The following C16orf89 variants were observed in gnomAD, a reference collection of about 807,000 sequenced individuals.
C16orf89 encodes chromosome 16 open reading frame 89.
C16orf89 carries 57 observed loss-of-function variants against 41.5 expected under a neutral mutation model. The ratio of observed to expected loss-of-function variants is 1.38; its 90% CI spans 1.11 to 1.71. The LOEUF (loss-of-function observed/expected upper bound fraction) is 1.71, where lower values mean the gene tolerates loss of function less well. Ranked by LOEUF, C16orf89 falls within the 40% of genes most tolerant of loss-of-function variation. The pLI, the probability that C16orf89 is intolerant of heterozygous loss-of-function variation, is 0.00. For missense variants in C16orf89, 575 were observed against 445.9 expected, an observed-to-expected ratio of 1.29 and a Z score of -2.61; for synonymous variants, 223 against 190.6, an observed-to-expected ratio of 1.17 and a Z score of -1.40.
intron 7 of C16orf89, among the ~76,000 whole-genome samples, chr16:5,047,530 C>T (rs993849416): frequency 3.3e-5 from 5 of 150,246 alleles, no homozygotes; most frequent in East Asian, 2.0e-4. Flanking sequence ...TGCAGTGGTG[C>T]GATCTCAGCT....
intron 6 of C16orf89, among the ~76,000 whole-genome samples, chr16:5,051,865 C>G (rs1335500413): frequency 1.3e-5 from 2 of 151,852 alleles, no homozygotes; most frequent in Non-Finnish European, 2.9e-5. Context: ...TTTGGGAGGT[C>G]GAGGTAGGCA....
chr16:5,057,413 G>T lies in C16orf89; in HGVS notation c.627+1080C>A, dbSNP rs191425631. Among the ~76,000 whole-genome samples the T allele has an allele frequency of 4.3e-4, 63 of 145,390 alleles. 2 individuals are homozygous for T. The East Asian group carries it at 0.012, about 28-fold the overall frequency. On this transcript the variant is annotated intron_variant, in intron 4 of 7. Transcript: ENST00000472572. ...TATATATAGTGGTATATATATAGTG[G>T]CATATATATATAGTGTGTATGGTAG...
intron 3 of C16orf89, among the ~76,000 whole-genome samples, chr16:5,058,868 C>T (rs768305038): frequency 2.0e-5 from 3 of 152,084 alleles, no homozygotes; most frequent in Admixed American, 2.0e-4. Context: ...GCTCCATGGG[C>T]CAAATCACAT....
intron 4 of C16orf89, among the ~76,000 whole-genome samples, chr16:5,058,059 A>G (rs1956545403): frequency 6.6e-6 from 1 of 152,074 alleles, no homozygotes; most frequent in African/African-American, 2.4e-5. Flanking sequence ...GTAGAAATCC[A>G]AAGCTCTGCT....
chr16:5,051,199 C>A (rs939553676), intron 6 of C16orf89, among the ~76,000 whole-genome samples: 3 of 151,976 alleles, frequency 2.0e-5, no homozygotes, highest in Non-Finnish European at 4.4e-5. Context: ...GAAGTCTTAG[C>A]CAGAGCAATT....
At chr16:5,062,699 C>G (rs1405994187) in intron 1 of C16orf89, 125 bp from the exon 2 acceptor site, 2 of 1,092,312 alleles carry the variant, frequency 1.8e-6, no homozygotes, top group Non-Finnish European at 2.6e-6. Context: ...TTCTCCAGCA[C>G]TCAGAGGGGA....
intron 6 of C16orf89, among the ~76,000 whole-genome samples, chr16:5,054,505 A>G (rs1241698490): frequency 2.6e-5 from 4 of 152,076 alleles, no homozygotes; most frequent in Admixed American, 6.6e-5. Context: ...AGAATGTGCA[A>G]TTATTTCACT....
intron 6 of C16orf89, 36 bp downstream of exon 6, chr16:5,055,210 G>C (rs1596693507): frequency 1.3e-6 from 2 of 1,512,626 alleles, no homozygotes. Context: ...CACCCCCACT[G>C]CCCCCCTTCT....
chr16:5,044,763 G>T, intron 7 of C16orf89: 1 of 1,104,860 alleles, frequency 9.1e-7, no homozygotes, highest in Non-Finnish European at 1.2e-6. Flanking sequence ...AGAATTGCTT[G>T]AACCCAGGAG....
intron 6 of C16orf89, among the ~76,000 whole-genome samples, chr16:5,049,414 A>G (rs566096101): frequency 6.6e-6 from 1 of 152,354 alleles, no homozygotes; most frequent in African/African-American, 2.4e-5. Context: ...TCTTCTCATC[A>G]GCACATGGAA....
intron 5 of C16orf89, 54 bp from the exon 6 acceptor site, chr16:5,055,404 C>G: frequency 6.9e-7 from 1 of 1,457,744 alleles, no homozygotes; most frequent in Non-Finnish European, 9.4e-7. Context: ...CCCACCTCCT[C>G]CCACTCCCCA....
Position 5,044,623 on chromosome 16 carries a change from C to A in C16orf89, c.956-145G>T, listed in dbSNP as rs548414551. On this transcript the variant is annotated intron_variant, in intron 7 of 7. Transcript: ENST00000472572. ...TTGGGAGCCTGAGGTGGGCGGATCT[C>A]TTGAGATCAGGAGTTCGAGACCAGC... The A allele has an allele frequency of 7.8e-5, 113 of 1,451,190 alleles. No individual in the cohort carries two copies. The South Asian group carries it at 8.0e-4, about 10-fold the overall frequency. The allele number at this position is 1,451,190 out of a possible 1,614,324, so 89.9% of individuals were successfully genotyped here. A position where few individuals can be genotyped will look rare whatever the true frequency, so the allele number is the denominator to read the frequency against.
chr16:5,062,276 C>T (rs1344259305), intron 2 of C16orf89, 149 bp downstream of exon 2: 11 of 1,012,506 alleles, frequency 1.1e-5, no homozygotes, highest in Middle Eastern at 3.2e-4. Context: ...CCCCAGGGCT[C>T]GTCTGTGGCT....
intron 4 of C16orf89, among the ~76,000 whole-genome samples, chr16:5,057,370 GAT>G (rs201684843): frequency 3.4e-5 from 5 of 145,206 alleles, no homozygotes; most frequent in African/African-American, 1.0e-4. Flanking sequence ...TATATATCGT[GAT>G]ATATATATAG....
At chr16:5,048,602 C>G (rs1485589617) in intron 6 of C16orf89, among the ~76,000 whole-genome samples, 3 of 152,160 alleles carry the variant, frequency 2.0e-5, no homozygotes, top group Non-Finnish European at 2.9e-5. Flanking sequence ...TTCATTACCA[C>G]TAGACTGGCC....
At chr16:5,064,007 G>A (rs1455770235) in intron 1 of C16orf89, among the ~76,000 whole-genome samples, 4 of 152,072 alleles carry the variant, frequency 2.6e-5, no homozygotes, top group African/African-American at 9.7e-5. Context: ...GGTACCTGTA[G>A]TCCCAGCTAT....
chr16:5,052,319 TG>T (rs145191952), intron 6 of C16orf89, among the ~76,000 whole-genome samples: 4,309 of 152,246 alleles, frequency 0.028, 193 homozygotes, highest in African/African-American at 0.098. Context: ...CCAAGCGCAG[TG>T]GCTCACGCCT....
At chr16:5,052,441 T>G (rs929611100) in intron 6 of C16orf89, among the ~76,000 whole-genome samples, 2 of 151,976 alleles carry the variant, frequency 1.3e-5, no homozygotes, top group Non-Finnish European at 2.9e-5. Flanking sequence ...AATACAAAAA[T>G]TAGCCGGGTG....
At position 5,062,567 on chromosome 16, in the gene C16orf89, T is replaced by TAA; in HGVS notation, c.215_216insTT (p.Lys73Ter). On this transcript the variant is annotated frameshift_variant, in exon 2 of 8. Coordinates refer to ENST00000472572, the MANE Select transcript of C16orf89 (RefSeq NM_001098514.3). LOFTEE classifies it high-confidence loss of function. ...GGGCCCACTTCTCCCGGACACTTTT[T>TAA]AGCTGCTCTGGAAGGGAACAGAGTT... The TAA allele has an allele frequency of 6.2e-7, 1 of 1,610,126 alleles. No individual in the cohort carries two copies. The highest frequency in any genetic ancestry group is 2.2e-5 in the East Asian group (1 of 44,770).
Sources: gnomAD v4.1 joint callset for allele counts (sites outside exome capture counted in the v4.1 genomes callset) on GRCh38, gnomAD v4.1.1 for gene constraint, MANE v1.5 for transcripts, NCBI Gene and HGNC (gene_info 2026-07-23, HGNC 2026-07-21) for gene names.